Variants in NR1H4 observed in about 807,000 individuals in gnomAD.
The protein encoded by NR1H4 is bile acid receptor.
NR1H4 carries 23 observed loss-of-function variants against 58.5 expected under a neutral mutation model. That is an observed-to-expected ratio of 0.39 (90% confidence interval 0.28 to 0.56). The LOEUF (loss-of-function observed/expected upper bound fraction) is 0.56, where lower values mean the gene tolerates loss of function less well. NR1H4 is among the 20% of genes least tolerant of loss of function. The pLI, the probability that NR1H4 is intolerant of heterozygous loss-of-function variation, is 0.58. For missense variants in NR1H4, 487 were observed against 576.9 expected (o/e 0.84, Z 1.60); for synonymous variants, 214 against 198.0 (o/e 1.08, Z -0.68).
chr12:100,552,610 TTAGAGATGCAG>T (rs1955227699), intron 9 of NR1H4, among the ~76,000 whole-genome samples: 1 of 152,160 alleles, frequency 6.6e-6, no homozygotes, highest in African/African-American at 2.4e-5. Flanking sequence ...ATGCTAGTTA[TTAGAGATGCAG>T]AGGTGAATAA....
At chr12:100,519,877 T>A (rs1954369066) in intron 4 of NR1H4, among the ~76,000 whole-genome samples, 1 of 152,106 alleles carries the variant, frequency 6.6e-6, no homozygotes, top group Admixed American at 6.5e-5. Flanking sequence ...CTTGAATAAG[T>A]TTTATCTGGT....
chr12:100,536,722 T>A, intron 7 of NR1H4, 112 bp downstream of exon 7: 1 of 728,298 alleles, frequency 1.4e-6, no homozygotes, highest in East Asian at 2.7e-5. Flanking sequence ...TGATTAGAGC[T>A]GAGAATTCAA....
chr12:100,557,525 T>C (rs1285208008), intron 9 of NR1H4, among the ~76,000 whole-genome samples: 2 of 152,192 alleles, frequency 1.3e-5, no homozygotes, highest in Non-Finnish European at 2.9e-5. Flanking sequence ...TGATTTGGAC[T>C]TCTGGTGAAC....
chr12:100,488,536 A>G (rs1953543232), intron 1 of NR1H4, among the ~76,000 whole-genome samples: 1 of 152,242 alleles, frequency 6.6e-6, no homozygotes, highest in Non-Finnish European at 1.5e-5. Flanking sequence ...TCAAATTTAT[A>G]TACATATTTT....
At chr12:100,525,010 A>G (rs1954521387) in intron 4 of NR1H4, among the ~76,000 whole-genome samples, 2 of 152,250 alleles carry the variant, frequency 1.3e-5, no homozygotes, top group African/African-American at 4.8e-5. Context: ...AGCCTTTTAA[A>G]GCTTAAACTC....
intron 8 of NR1H4, among the ~76,000 whole-genome samples, chr12:100,537,910 C>T (rs2136244846): frequency 6.6e-6 from 1 of 152,256 alleles, no homozygotes; most frequent in South Asian, 2.1e-4. Flanking sequence ...GATGGGGTTT[C>T]ACCATATTGG....
At chr12:100,475,273 T>C (rs1461604057) in intron 1 of NR1H4, among the ~76,000 whole-genome samples, 1 of 152,188 alleles carries the variant, frequency 6.6e-6, no homozygotes, top group Non-Finnish European at 1.5e-5. Flanking sequence ...CTTTTATCTT[T>C]GTGTTACGTT....
At chr12:100,492,703 C>G (rs1020806500) in intron 2 of NR1H4, 66 bp downstream of exon 2, 1 of 152,444 alleles carries the variant, frequency 6.6e-6, no homozygotes, top group Non-Finnish European at 1.5e-5. Context: ...AATACATGAC[C>G]AAGGTAGATC....
chr12:100,503,528 G>C, intron 3 of NR1H4: 1 of 1,553,222 alleles, frequency 6.4e-7, no homozygotes, highest in Non-Finnish European at 8.7e-7. Context: ...CTTTCAGGTC[G>C]AGCTCTTGCA....
chr12:100,512,672 T>C (rs1292827287), intron 4 of NR1H4, among the ~76,000 whole-genome samples: 1 of 151,446 alleles, frequency 6.6e-6, no homozygotes, highest in Non-Finnish European at 1.5e-5. Flanking sequence ...TAAAATCCCA[T>C]GTGATTACTG....
intron 4 of NR1H4, among the ~76,000 whole-genome samples, chr12:100,524,695 GC>G (rs1211063178): frequency 6.6e-6 from 1 of 152,134 alleles, no homozygotes; most frequent in Admixed American, 6.6e-5. Flanking sequence ...TTAGAAAAAA[GC>G]CCCACTCCTA....
At chr12:100,503,514 G>GTA in intron 3 of NR1H4, 1 of 1,568,762 alleles carries the variant, frequency 6.4e-7, no homozygotes, top group South Asian at 1.2e-5. Flanking sequence ...ACTGTTCACA[G>GTA]GTGCTTTCAG....
At chr12:100,487,159 A>G (rs893423670) in intron 1 of NR1H4, among the ~76,000 whole-genome samples, 2 of 152,176 alleles carry the variant, frequency 1.3e-5, no homozygotes, top group African/African-American at 4.8e-5. Flanking sequence ...ATTAGAAAAA[A>G]TTGTTCAAAG....
chr12:100,551,092 A>G (rs1308359387), intron 9 of NR1H4, among the ~76,000 whole-genome samples: 2 of 152,196 alleles, frequency 1.3e-5, no homozygotes, highest in Non-Finnish European at 2.9e-5. Flanking sequence ...TCACTCACCA[A>G]TTTCTAATAT....
chr12:100,529,964 A>G (rs1338648585), intron 4 of NR1H4, among the ~76,000 whole-genome samples: 1 of 152,202 alleles, frequency 6.6e-6, no homozygotes, highest in Non-Finnish European at 1.5e-5. Flanking sequence ...CTTTACAAGC[A>G]TATGGTGTGG....
intron 3 of NR1H4, among the ~76,000 whole-genome samples, chr12:100,495,936 G>C (rs939477857): frequency 6.6e-6 from 1 of 152,134 alleles, no homozygotes; most frequent in East Asian, 1.9e-4. Flanking sequence ...GCCTAACTCA[G>C]TACTCCTGAG....
intron 9 of NR1H4, among the ~76,000 whole-genome samples, chr12:100,557,346 T>A (rs1955352655): frequency 6.6e-6 from 1 of 152,162 alleles, no homozygotes; most frequent in African/African-American, 2.4e-5. Flanking sequence ...AAGTAAGAAC[T>A]CATTCATTAC....
At chr12:100,497,824 A>G (rs1248770864) in intron 3 of NR1H4, among the ~76,000 whole-genome samples, 1 of 152,264 alleles carries the variant, frequency 6.6e-6, no homozygotes, top group African/African-American at 2.4e-5. Flanking sequence ...AGGAGATGGT[A>G]TATTAACTAA....
intron 9 of NR1H4, among the ~76,000 whole-genome samples, chr12:100,543,042 T>C (rs978058348): frequency 1.2e-4 from 19 of 152,104 alleles, no homozygotes; most frequent in African/African-American, 4.6e-4. Flanking sequence ...TGATGACTCC[T>C]AGTTGAGAGA....
Sources: gnomAD v4.1 joint callset for allele counts (sites outside exome capture counted in the v4.1 genomes callset) on GRCh38, gnomAD v4.1.1 for gene constraint, MANE v1.5 for transcripts, NCBI Gene and HGNC (gene_info 2026-07-23, HGNC 2026-07-21) for gene names.